The following DPYD variants were observed in gnomAD, a reference collection of about 807,000 sequenced individuals.
DPYD encodes dihydropyrimidine dehydrogenase [NADP(+)].
A neutral mutation model predicts 116.2 loss-of-function variants in DPYD; 109 were observed. The ratio of observed to expected loss-of-function variants is 0.94; its 90% CI spans 0.80 to 1.10. The LOEUF (loss-of-function observed/expected upper bound fraction) is 1.10. Ranked by LOEUF, DPYD falls within the 50% of genes least tolerant of loss-of-function variation. The probability of loss-of-function intolerance (pLI) is 0.00; values close to 1 mark genes in which losing one functional copy is unlikely to be tolerated. For synonymous variants in DPYD, 440 were observed against 432.0 expected (o/e 1.02, Z -0.23); for missense variants, 1,302 against 1,254.5 (o/e 1.04, Z -0.57).
intron 20 of DPYD, among the ~76,000 whole-genome samples, chr1:97,103,933 C>A (rs560065353): frequency 6.6e-6 from 1 of 152,046 alleles, no homozygotes; most frequent in African/African-American, 2.4e-5. Flanking sequence ...CTCATGCATC[C>A]CCTCTGCCAG....
chr1:97,802,289 A>G (rs1667882866), intron 3 of DPYD, among the ~76,000 whole-genome samples: 1 of 151,932 alleles, frequency 6.6e-6, no homozygotes, highest in African/African-American at 2.4e-5. Context: ...GCCTTAATTA[A>G]GACAAATCTT....
chr1:97,104,978 G>C (rs1033069141), intron 20 of DPYD, among the ~76,000 whole-genome samples: 2 of 152,094 alleles, frequency 1.3e-5, no homozygotes, highest in Non-Finnish European at 2.9e-5. Flanking sequence ...CCACAAAGAG[G>C]ACCAGGAGGC....
At chr1:97,101,747 C>CA (rs2101602866) in intron 20 of DPYD, among the ~76,000 whole-genome samples, 1 of 152,072 alleles carries the variant, frequency 6.6e-6, no homozygotes, top group African/African-American at 2.4e-5. Flanking sequence ...TGCGGTAACT[C>CA]AAAGTGAGAG....
intron 2 of DPYD, among the ~76,000 whole-genome samples, chr1:97,843,827 T>A (rs926236137): frequency 6.6e-6 from 1 of 152,190 alleles, no homozygotes; most frequent in Non-Finnish European, 1.5e-5. Context: ...TCTGCCCTCA[T>A]AAGCTTACAT....
intron 2 of DPYD, among the ~76,000 whole-genome samples, chr1:97,837,285 G>A (rs1481223922): frequency 6.6e-6 from 1 of 152,102 alleles, no homozygotes; most frequent in African/African-American, 2.4e-5. Context: ...TTATGTACCA[G>A]CTGCTAAAGC....
chr1:97,509,073 G>A (rs1473754885), intron 13 of DPYD, among the ~76,000 whole-genome samples: 2 of 152,030 alleles, frequency 1.3e-5, no homozygotes, highest in African/African-American at 2.4e-5. Context: ...CAAACAGTCT[G>A]TCAACTGATT....
chr1:97,824,870 C>A (rs1557990052), intron 3 of DPYD, among the ~76,000 whole-genome samples: 1 of 152,166 alleles, frequency 6.6e-6, no homozygotes, highest in Non-Finnish European at 1.5e-5. Flanking sequence ...CATATGCCTT[C>A]CCTTGGCTAC....
intron 7 of DPYD, among the ~76,000 whole-genome samples, chr1:97,681,202 T>C (rs1386711498): frequency 1.3e-5 from 2 of 152,162 alleles, no homozygotes; most frequent in Admixed American, 1.3e-4. Context: ...TGCAGTCAAA[T>C]ACATAGTCTA....
chr1:97,167,695 T>C (rs986256396), intron 20 of DPYD, among the ~76,000 whole-genome samples: 18 of 152,190 alleles, frequency 1.2e-4, no homozygotes, highest in African/African-American at 4.3e-4. Flanking sequence ...TTGATTTTCA[T>C]GTGAGTTTTG....
intron 12 of DPYD, among the ~76,000 whole-genome samples, chr1:97,536,997 G>C (rs779136711): frequency 9.2e-5 from 14 of 152,106 alleles, no homozygotes; most frequent in Non-Finnish European, 1.6e-4. Context: ...AGAAATCACT[G>C]GTATATTTCA....
intron 2 of DPYD, among the ~76,000 whole-genome samples, chr1:97,871,885 A>T (rs1671676958): frequency 6.6e-6 from 1 of 151,892 alleles, no homozygotes; most frequent in South Asian, 2.1e-4. Context: ...AAATGCTGAT[A>T]ATGATAAGCA....
chr1:97,241,259 C>T (rs935360653), intron 18 of DPYD, among the ~76,000 whole-genome samples: 1 of 151,894 alleles, frequency 6.6e-6, no homozygotes, highest in African/African-American at 2.4e-5. Flanking sequence ...CAAAGAGGGC[C>T]ATTCTCCTTT....
At chr1:97,328,097 TCTC>T (rs956078267) in intron 16 of DPYD, among the ~76,000 whole-genome samples, 5 of 152,110 alleles carry the variant, frequency 3.3e-5, no homozygotes, top group Non-Finnish European at 7.4e-5. Flanking sequence ...GGTCTTCAAA[TCTC>T]CTCTGTCCTC....
At chr1:97,605,268 A>G (rs1655514283) in intron 8 of DPYD, among the ~76,000 whole-genome samples, 1 of 152,060 alleles carries the variant, frequency 6.6e-6, no homozygotes, top group South Asian at 2.1e-4. Context: ...CTGTATCCCC[A>G]CCCAAATCTC....
At chr1:97,631,639 A>T (rs1657265511) in intron 8 of DPYD, among the ~76,000 whole-genome samples, 1 of 152,134 alleles carries the variant, frequency 6.6e-6, no homozygotes, top group Non-Finnish European at 1.5e-5. Context: ...ATATATATGA[A>T]TTAATTTTAT....
At chr1:97,814,932 G>A (rs58543568) in intron 3 of DPYD, among the ~76,000 whole-genome samples, 713 of 54,826 alleles carry the variant, frequency 0.013, 14 homozygotes, top group African/African-American at 0.047. Flanking sequence ...GAAAGAGAGA[G>A]GAAAGAAAGA....
intron 1 of DPYD, among the ~76,000 whole-genome samples, chr1:97,902,832 C>A (rs768671383): frequency 9.2e-5 from 14 of 151,754 alleles, no homozygotes; most frequent in Non-Finnish European, 1.6e-4. Flanking sequence ...ATGGAGCATA[C>A]CACTAGAAAA....
At chr1:97,516,590 G>A (rs926414514) in intron 12 of DPYD, among the ~76,000 whole-genome samples, 3 of 151,934 alleles carry the variant, frequency 2.0e-5, no homozygotes, top group Admixed American at 1.3e-4. Flanking sequence ...AATAGTTTAC[G>A]TCAAAATCTT....
intron 18 of DPYD, among the ~76,000 whole-genome samples, chr1:97,237,098 G>T (rs1661987163): frequency 6.6e-6 from 1 of 151,790 alleles, no homozygotes; most frequent in South Asian, 2.1e-4. Context: ...AAAATTATCT[G>T]GACTTGGTGG....
Sources: gnomAD v4.1 joint callset for allele counts (sites outside exome capture counted in the v4.1 genomes callset) on GRCh38, gnomAD v4.1.1 for gene constraint, MANE v1.5 for transcripts, NCBI Gene and HGNC (gene_info 2026-07-23, HGNC 2026-07-21) for gene names.